The following FER variants were observed in gnomAD, a reference collection of about 807,000 sequenced individuals.
The protein encoded by FER is tyrosine-protein kinase Fer.
A neutral mutation model predicts 111.0 loss-of-function variants in FER; 63 were observed. That is an observed-to-expected ratio of 0.57 (90% CI 0.46 to 0.70). The LOEUF is 0.70. Among genes scored for constraint, FER ranks in the 30% least tolerant of loss-of-function variants. FER has a pLI of 0.00. For synonymous variants in FER, 327 were observed against 313.9 expected, an observed-to-expected ratio of 1.04 and a Z score of -0.44; for missense variants, 914 against 954.0, an observed-to-expected ratio of 0.96 and a Z score of 0.55.
chr5:108,948,042 G>T (rs1186876922), intron 11 of FER, among the ~76,000 whole-genome samples: 1 of 151,950 alleles, frequency 6.6e-6, no homozygotes, highest in Admixed American at 6.6e-5. Context: ...TCTTTAAAAT[G>T]CAACAACTAT....
intron 3 of FER, among the ~76,000 whole-genome samples, chr5:108,818,727 G>A (rs1370809307): frequency 6.6e-6 from 1 of 152,026 alleles, no homozygotes; most frequent in African/African-American, 2.4e-5. Flanking sequence ...TTTGAGAGAT[G>A]GGTCATTACT....
chr5:109,047,167 G>A lies in FER; in HGVS notation c.1893G>A (p.Gln631=). The A allele has an allele frequency of 1.2e-6, 2 of 1,607,220 alleles. No individual in the cohort carries two copies. Among genetic ancestry groups the A allele is most frequent in the Non-Finnish European group, 1.7e-6 (2 of 1,176,406 alleles). The part of the protein sequence containing the change: ...VKLIGVCTQR[Q]PVYIIMELVS... ...TTATAGGAGTTTGCACACAAAGACA[G>A]CCTGTCTACATCATTATGGAACTGG... Residue 631 remains glutamine (Q), a synonymous_variant, in exon 16 of 20, where the codon CAG becomes CAA. Transcript: ENST00000281092.
At chr5:109,103,591 T>C (rs1295176551) in intron 17 of FER, among the ~76,000 whole-genome samples, 1 of 152,176 alleles carries the variant, frequency 6.6e-6, no homozygotes, top group African/African-American at 2.4e-5. Flanking sequence ...AGCTTGAGGA[T>C]TGCTGTATAG....
At position 108,893,126 on chromosome 5, in the gene FER, G is replaced by C. The variant is rs191290334; in HGVS notation, c.1047-4533G>C. Among the ~76,000 whole-genome samples, 1,172 of 152,150 alleles carry C rather than the reference G, an allele frequency of 7.7e-3. 15 individuals are homozygous for C. Among genetic ancestry groups the C allele is most frequent in the African/African-American group, 0.026 (1,093 of 41,498 alleles). On this transcript the variant is annotated intron_variant, in intron 9 of 19. Transcript: ENST00000281092. ...TGATGCCTCCAGCTTTGTTCTTTTG[G>C]CTTAGGATTGACTTGGCGATGCAGG...
intron 9 of FER, 69 bp downstream of exon 9, chr5:108,883,587 A>T (rs560751228): frequency 1.5e-6 from 2 of 1,355,406 alleles, no homozygotes; most frequent in Non-Finnish European, 2.0e-6. Flanking sequence ...TTTTAGTTAC[A>T]TGGCAGTGTG....
intron 17 of FER, among the ~76,000 whole-genome samples, chr5:109,172,505 G>T (rs1757238857): frequency 1.2e-5 from 1 of 85,914 alleles, no homozygotes; most frequent in Non-Finnish European, 2.3e-5. Context: ...GAGGGGGGAG[G>T]GATAGCATTA....
rs187883727 is a variant in FER at position 109,042,142 on chromosome 5, G to C, written c.1714-2538G>C. 1.7e-3 allele frequency among the ~76,000 whole-genome samples: 253 copies of C among 152,288 alleles called. 1 individual carries two copies. The highest frequency in any genetic ancestry group is 5.0e-3 in the South Asian group (24 of 4,816). On this transcript the variant is annotated intron_variant, in intron 14 of 19. Coordinates refer to ENST00000281092, the MANE Select transcript of FER (RefSeq NM_005246.4). ...GATCAAATAGAAGTATGCTGAATCTGAGGGGGCTGGAGAGGGAGAAATGAA... is the reference window on the plus strand; with the variant it reads ...GATCAAATAGAAGTATGCTGAATCTCAGGGGGCTGGAGAGGGAGAAATGAA...
Position 108,933,225 on chromosome 5 carries a change from A to G in FER, c.1237-12905A>G, listed in dbSNP as rs369589098. Among the ~76,000 whole-genome samples the G allele has an allele frequency of 2.6e-5, 4 of 152,268 alleles. No individual in the cohort carries two copies. The East Asian group carries it at 5.8e-4, about 22-fold the overall frequency. On this transcript the variant is annotated intron_variant, in intron 10 of 19. Transcript: ENST00000281092. ...TTTCTTCTAGAGTTTTTATGATTTT[A>G]GGTCTTACGTTTAAGTCTTTAATCT...
At chr5:108,901,765 A>T (rs1750058413) in intron 10 of FER, among the ~76,000 whole-genome samples, 1 of 152,182 alleles carries the variant, frequency 6.6e-6, no homozygotes, top group Admixed American at 6.5e-5. Flanking sequence ...CAGCCTGGGC[A>T]ACATGGCAAA....
At chr5:109,013,728 T>G (rs1766639085) in intron 13 of FER, among the ~76,000 whole-genome samples, 1 of 151,848 alleles carries the variant, frequency 6.6e-6, no homozygotes, top group Non-Finnish European at 1.5e-5. Flanking sequence ...TTTCTCCACA[T>G]CCTCTCCAGC....
intron 16 of FER, among the ~76,000 whole-genome samples, chr5:109,054,287 G>A (rs566194349): frequency 2.6e-5 from 4 of 152,128 alleles, no homozygotes; most frequent in Non-Finnish European, 2.9e-5. Context: ...CCCCATCGTC[G>A]TCAGCACTTA....
intron 2 of FER, among the ~76,000 whole-genome samples, chr5:108,789,822 C>T (rs931693431): frequency 1.3e-4 from 19 of 151,978 alleles, no homozygotes; most frequent in Non-Finnish European, 2.4e-4. Flanking sequence ...AGGCTGGTCT[C>T]GAACTCCTGA....
chr5:109,146,271 T>TAC (rs1223536752), intron 17 of FER, among the ~76,000 whole-genome samples: 1 of 55,022 alleles, frequency 1.8e-5, no homozygotes, highest in Non-Finnish European at 4.2e-5. Flanking sequence ...TATATATATA[T>TAC]ATATATATAT....
chr5:108,956,309 G>T (rs557856004), intron 12 of FER, among the ~76,000 whole-genome samples: 1 of 151,612 alleles, frequency 6.6e-6, no homozygotes, highest in Non-Finnish European at 1.5e-5. Context: ...AAGATTGTAG[G>T]TAAAGTATAA....
At chr5:108,883,660 C>A in intron 9 of FER, 142 bp downstream of exon 9, 2 of 656,834 alleles carry the variant, frequency 3.0e-6, no homozygotes, top group South Asian at 3.8e-5. Flanking sequence ...TAGTTAATTT[C>A]TAGGATTCTG....
chr5:109,175,571 A>C (rs1035611646), intron 17 of FER, among the ~76,000 whole-genome samples: 1 of 152,220 alleles, frequency 6.6e-6, no homozygotes, highest in Non-Finnish European at 1.5e-5. Context: ...TCAAAAGCTC[A>C]GGCAACTAAA....
intron 10 of FER, among the ~76,000 whole-genome samples, chr5:108,905,254 T>C (rs1750591722): frequency 6.6e-6 from 1 of 152,142 alleles, no homozygotes. Context: ...AACTGTTATC[T>C]GTGTTCATAT....
chr5:109,156,885 A>AG (rs575011999), intron 17 of FER, among the ~76,000 whole-genome samples: 12 of 152,100 alleles, frequency 7.9e-5, no homozygotes, highest in Non-Finnish European at 1.8e-4. Flanking sequence ...CCAAGAAAGG[A>AG]GGTGAAGTAA....
chr5:108,850,198 A>C (rs1177940662), intron 5 of FER, among the ~76,000 whole-genome samples: 4 of 152,024 alleles, frequency 2.6e-5, no homozygotes, highest in Non-Finnish European at 5.9e-5. Flanking sequence ...CGTCTCAAAA[A>C]AAAAAAAAAT....
Sources: allele counts gnomAD v4.1 joint callset (sites outside exome capture counted in the v4.1 genomes callset), GRCh38; gene constraint gnomAD v4.1.1; transcripts MANE v1.5; gene names NCBI Gene and HGNC (gene_info 2026-07-23, HGNC 2026-07-21).